AP1M1: variants seen among roughly 807,000 people sequenced by gnomAD.
The protein encoded by AP1M1 is AP-1 complex subunit mu-1.
A neutral mutation model predicts 57.1 loss-of-function variants in AP1M1; 18 were observed. The ratio of observed to expected loss-of-function variants is 0.32; its 90% CI spans 0.22 to 0.47. The LOEUF (loss-of-function observed/expected upper bound fraction) is 0.47. Ranked by LOEUF, AP1M1 falls within the 20% of genes least tolerant of loss-of-function variation. AP1M1 has a pLI of 1.00. For synonymous variants in AP1M1, 241 were observed against 237.9 expected (o/e 1.01, Z -0.12); for missense variants, 362 against 593.5 (o/e 0.61, Z 4.05).
rs146998582 is a variant in AP1M1 at position 16,236,789 on chromosome 19, C to T, written c.*2354C>T. 8.1e-4 allele frequency: 123 copies of T among 152,318 alleles called. No homozygotes were observed. Among genetic ancestry groups the T allele is most frequent in the African/African-American group, 2.5e-3 (105 of 41,570 alleles). 9.4% of individuals were successfully genotyped at this position (152,318 alleles called of 1,614,324 possible). A position where few individuals can be genotyped will look rare whatever the true frequency, so the allele number is the denominator to read the frequency against. On this transcript the variant is annotated 3_prime_UTR_variant, in exon 12 of 12. Transcript: ENST00000291439. Reference sequence around the variant, plus strand: ...CTCCCTGGAGGGACCTAACTTCATGCCTTGTTACCTAAGATCCTCGCACAC... The same window carrying T: ...CTCCCTGGAGGGACCTAACTTCATGTCTTGTTACCTAAGATCCTCGCACAC...
intron 5 of AP1M1, among the ~76,000 whole-genome samples, chr19:16,215,203 G>C (rs1329542449): frequency 2.1e-5 from 1 of 47,622 alleles, no homozygotes; most frequent in African/African-American, 5.4e-5. Context: ...GCGGGGGCGG[G>C]GGGGGGGGAG....
intron 1 of AP1M1, among the ~76,000 whole-genome samples, chr19:16,199,604 A>AC (rs892412794): frequency 4.9e-5 from 7 of 144,304 alleles, no homozygotes; most frequent in African/African-American, 1.0e-4. Context: ...GCCCCACCCC[A>AC]CCCCCAGCAC....
chr19:16,233,723 G>A (rs2091609215), intron 10 of AP1M1, 105 bp downstream of exon 10: 1 of 1,410,894 alleles, frequency 7.1e-7, no homozygotes, highest in African/African-American at 1.4e-5. Flanking sequence ...GCTGCAATCA[G>A]GACCCTGCTG....
At position 16,206,061 on chromosome 19, in the gene AP1M1, C is replaced by A. The variant is rs2091468119; in HGVS notation, c.200-280C>A. Among the ~76,000 whole-genome samples the A allele has an allele frequency of 6.6e-6, 1 of 152,132 alleles. No homozygotes were observed. Among genetic ancestry groups the A allele is most frequent in the African/African-American group, 2.4e-5 (1 of 41,420 alleles). On this transcript the variant is annotated intron_variant, in intron 2 of 11. Transcript: ENST00000291439. This position sits in a 1 kb window ranked among gnomAD's most constrained non-coding sequence, Gnocchi z 4.3. ...CTGCTCAAGGCAGCCCTTCACCCAG[C>A]CGCCGGGACAGGTGCCCTGTGCCAC...
Position 16,203,727 on chromosome 19 carries a change from A to G in AP1M1, c.199+112A>G. 1.7e-6 allele frequency: 2 copies of G among 1,185,068 alleles called. No homozygotes were observed. The highest frequency in any genetic ancestry group is 1.2e-6 in the Non-Finnish European group (1 of 840,444). 73.4% of individuals were successfully genotyped at this position (1,185,068 alleles called of 1,614,324 possible). On this transcript the variant is annotated intron_variant, in intron 2 of 11. Transcript: ENST00000291439. The surrounding 1 kb of genome is among the most constrained non-coding windows in gnomAD (Gnocchi z 4.6). ...TTTGTGCACAGCGCAAGCATTGGAC[A>G]CAGCCATGCCCTCCTGGAGCTCCCT... is the stretch of plus-strand genomic sequence containing the variant.
At chr19:16,223,459 G>A (rs1007225760) in intron 5 of AP1M1, among the ~76,000 whole-genome samples, 2 of 152,158 alleles carry the variant, frequency 1.3e-5, no homozygotes, top group Non-Finnish European at 2.9e-5. Context: ...TGTTGTACAC[G>A]TCTGCCATTG....
intron 9 of AP1M1, 141 bp from the exon 10 acceptor site, chr19:16,233,352 G>A: frequency 7.8e-7 from 1 of 1,283,178 alleles, no homozygotes. Flanking sequence ...GCCGAGCTTT[G>A]GCTCCCCAGC....
At chr19:16,220,034 TTTG>T (rs1196177523) in intron 5 of AP1M1, among the ~76,000 whole-genome samples, 1 of 152,200 alleles carries the variant, frequency 6.6e-6, no homozygotes, top group African/African-American at 2.4e-5. Flanking sequence ...TTGTAATGTT[TTTG>T]TCTGGTTTTG....
chr19:16,212,156 GA>G (rs1736240892), intron 5 of AP1M1, among the ~76,000 whole-genome samples: 1 of 152,034 alleles, frequency 6.6e-6, no homozygotes, highest in South Asian at 2.1e-4. Context: ...CGTTTTTTTG[GA>G]ATCATTTCAG....
chr19:16,225,869 G>A (rs1412519429), intron 5 of AP1M1, among the ~76,000 whole-genome samples: 1 of 152,126 alleles, frequency 6.6e-6, no homozygotes, highest in African/African-American at 2.4e-5. Flanking sequence ...GAGGCCAAGA[G>A]GAGAAACAGC....
intron 2 of AP1M1, among the ~76,000 whole-genome samples, chr19:16,204,938 C>T (rs2091463360): frequency 8.9e-6 from 1 of 112,956 alleles, no homozygotes. Flanking sequence ...TCGCGCTATT[C>T]TCCTGCCTCA....
At position 16,206,847 on chromosome 19, in the gene AP1M1, C is replaced by G. The variant is rs191381910; in HGVS notation, c.267+439C>G. On this transcript the variant is annotated intron_variant, in intron 3 of 11. Transcript: ENST00000291439. The surrounding 1 kb of genome is among the most constrained non-coding windows in gnomAD (Gnocchi z 4.3). Reference sequence around the variant, plus strand: ...GAGCTGACACGCCAGGCCCAGGCTGCCAGTGAGACACAGATAGCAGCCAGG... The same window carrying G: ...GAGCTGACACGCCAGGCCCAGGCTGGCAGTGAGACACAGATAGCAGCCAGG... Among the ~76,000 whole-genome samples, 4 of 152,226 alleles carry G rather than the reference C, an allele frequency of 2.6e-5. No homozygotes were observed. The highest frequency in any genetic ancestry group is 5.9e-5 in the Non-Finnish European group (4 of 68,010).
intron 5 of AP1M1, among the ~76,000 whole-genome samples, chr19:16,225,166 T>C (rs1273106241): frequency 6.6e-6 from 1 of 152,168 alleles, no homozygotes; most frequent in Non-Finnish European, 1.5e-5. Flanking sequence ...TTTTCCCAAT[T>C]CCCTCAGAGG....
At position 16,203,352 on chromosome 19, in the gene AP1M1, C is replaced by A; in HGVS notation, c.43-107C>A. On this transcript the variant is annotated intron_variant, in intron 1 of 11. Coordinates refer to ENST00000291439, the MANE Select transcript of AP1M1 (RefSeq NM_032493.4). This position sits in a 1 kb window ranked among gnomAD's most constrained non-coding sequence, Gnocchi z 4.6. ...CTCTTTTGCGGATAGTGGCCATGAC[C>A]GGAGTCCCCAGAGCGAAGCAGGGTG... 1.7e-6 allele frequency: 2 copies of A among 1,159,210 alleles called. No individual in the cohort carries two copies. Among genetic ancestry groups the A allele is most frequent in the Non-Finnish European group, 2.5e-6 (2 of 793,712 alleles). 71.8% of individuals were successfully genotyped at this position (1,159,210 alleles called of 1,614,324 possible).
rs901172999 is a variant in AP1M1, at chr19:16,206,922, G to A, written c.267+514G>A. On this transcript the variant is annotated intron_variant, in intron 3 of 11. Coordinates refer to ENST00000291439, the MANE Select transcript of AP1M1 (RefSeq NM_032493.4). This position sits in a 1 kb window ranked among gnomAD's most constrained non-coding sequence, Gnocchi z 4.3. ...GTGTGGTGCAGCTAGGGAGGCCAGC[G>A]TGCGTGTGGCAGAGTATGAGGCTGA... is the stretch of plus-strand genomic sequence containing the variant. Among the ~76,000 whole-genome samples the A allele has an allele frequency of 5.9e-5, 9 of 152,236 alleles. No homozygotes were observed. Among genetic ancestry groups the A allele is most frequent in the Non-Finnish European group, 1.0e-4 (7 of 68,040 alleles).
At chr19:16,229,274 C>T (rs964514832) in intron 9 of AP1M1, among the ~76,000 whole-genome samples, 4 of 152,238 alleles carry the variant, frequency 2.6e-5, no homozygotes, top group African/African-American at 9.6e-5. Flanking sequence ...TCCACACTGG[C>T]AGGTCCAAGG....
At chr19:16,223,312 C>G (rs12979702) in intron 5 of AP1M1, among the ~76,000 whole-genome samples, 100,139 of 152,012 alleles carry the variant, frequency 0.66, 35,225 homozygotes, top group Non-Finnish European at 0.8. Flanking sequence ...GTAAGTCAAA[C>G]TATGGTATAT....
At chr19:16,211,239 G>C (rs894623827) in intron 5 of AP1M1, among the ~76,000 whole-genome samples, 4 of 151,860 alleles carry the variant, frequency 2.6e-5, no homozygotes, top group African/African-American at 9.7e-5. Flanking sequence ...GATTACAGAC[G>C]CATGCCACCA....
chr19:16,218,573 C>A lies in AP1M1; in HGVS notation c.547-7848C>A, dbSNP rs567968330. ...AGCCTCTATGTCTTCCCTCCGTTCA[C>A]TCTCAGGGCCTTCCCACTGAAGATC... On this transcript the variant is annotated intron_variant, in intron 5 of 11. Transcript: ENST00000291439. Among the ~76,000 whole-genome samples the A allele has an allele frequency of 7.9e-5, 12 of 152,352 alleles. No individual in the cohort carries two copies. The South Asian group carries it at 1.4e-3, about 18-fold the overall frequency.
Sources: gnomAD v4.1 joint callset for allele counts (sites outside exome capture counted in the v4.1 genomes callset) on GRCh38, gnomAD v4.1.1 for gene constraint, Gnocchi (gnomAD v3.1) non-coding constraint, MANE v1.5 for transcripts, NCBI Gene and HGNC (gene_info 2026-07-23, HGNC 2026-07-21) for gene names.